Variants in CSE1L observed in about 807,000 individuals in gnomAD.
CSE1L encodes exportin-2.
CSE1L carries 24 observed loss-of-function variants against 120.4 expected under a neutral mutation model. That is an observed-to-expected ratio of 0.20 (90% CI 0.14 to 0.28). CSE1L has a LOEUF of 0.28. Ranked by LOEUF, CSE1L falls within the 10% of genes least tolerant of loss-of-function variation. The pLI, the probability that CSE1L is intolerant of heterozygous loss-of-function variation, is 1.00. For synonymous variants in CSE1L, 402 were observed against 398.3 expected (o/e 1.01, Z -0.11); for missense variants, 830 against 1,145.2 (o/e 0.72, Z 3.97).
intron 1 of CSE1L, among the ~76,000 whole-genome samples, chr20:49,048,138 G>T (rs1048511725): frequency 6.9e-6 from 1 of 145,426 alleles, no homozygotes; most frequent in African/African-American, 2.6e-5. Context: ...CTCTGTGTGT[G>T]TCTCTCTCTT....
intron 8 of CSE1L, among the ~76,000 whole-genome samples, chr20:49,070,864 C>A (rs951627644): frequency 2.0e-5 from 3 of 152,194 alleles, no homozygotes; most frequent in Non-Finnish European, 4.4e-5. Context: ...TGACCTTGAG[C>A]CCAGGAGGGC....
At chr20:49,085,465 G>T (rs6095430) in intron 16 of CSE1L, 79 bp downstream of exon 16, 3 of 919,024 alleles carry the variant, frequency 3.3e-6, no homozygotes, top group Non-Finnish European at 5.2e-6. Flanking sequence ...TTATACTTCA[G>T]GTTATACAGT....
intron 13 of CSE1L, among the ~76,000 whole-genome samples, chr20:49,077,952 C>A (rs1020525824): frequency 6.6e-6 from 1 of 151,720 alleles, no homozygotes; most frequent in Non-Finnish European, 1.5e-5. Flanking sequence ...TGCAGTGAGC[C>A]GAGATCGTGC....
In CSE1L at chr20:49,066,308, C is replaced by T; in HGVS notation, c.330+15C>T. 1 of 1,614,154 alleles carries T rather than the reference C, an allele frequency of 6.2e-7. No individual in the cohort carries two copies. Among genetic ancestry groups the T allele is most frequent in the South Asian group, 1.1e-5 (1 of 91,090 alleles). The stretch of plus-strand genomic sequence containing the variant: ...TTCAGAAGCAGGTAATGTCGCTCCA[C>T]TTTTTAGATGGGCTCCTCTGTAAAG... On this transcript the variant is annotated intron_variant, in intron 4 of 24. Transcript: ENST00000262982.
intron 17 of CSE1L, among the ~76,000 whole-genome samples, chr20:49,088,991 G>T (rs2092081129): frequency 6.6e-6 from 1 of 152,088 alleles, no homozygotes; most frequent in Admixed American, 6.5e-5. Context: ...CTCTGCGAGG[G>T]CACGTGGGCT....
intron 12 of CSE1L, 102 bp from the exon 13 acceptor site, chr20:49,076,878 A>G: frequency 1.5e-6 from 1 of 662,746 alleles, no homozygotes; most frequent in Non-Finnish European, 2.5e-6. Context: ...TGAAGTGTTC[A>G]TCTCCATTTT....
chr20:49,068,902 C>A, intron 7 of CSE1L, 80 bp downstream of exon 7: 1 of 991,370 alleles, frequency 1.0e-6, no homozygotes, highest in Non-Finnish European at 1.6e-6. Context: ...ATAAAGACTT[C>A]TTTGCCAGCA....
intron 16 of CSE1L, among the ~76,000 whole-genome samples, chr20:49,085,720 C>T (rs914357194): frequency 5.9e-5 from 9 of 151,366 alleles, no homozygotes; most frequent in Non-Finnish European, 1.0e-4. Context: ...TACAGGTGCA[C>T]TCCACCATGC....
chr20:49,069,383 C>G (rs774210030), intron 7 of CSE1L, among the ~76,000 whole-genome samples: 89 of 152,160 alleles, frequency 5.8e-4, no homozygotes, highest in Non-Finnish European at 1.1e-3. Context: ...TCTTTCTGTT[C>G]TTAATCATTA....
intron 23 of CSE1L, 145 bp downstream of exon 23, chr20:49,094,431 G>T: frequency 1.2e-6 from 1 of 824,512 alleles, no homozygotes; most frequent in Non-Finnish European, 1.9e-6. Context: ...CATGATTTCT[G>T]GATCCTTCTG....
At position 49,089,363 on chromosome 20, in the gene CSE1L, G is replaced by C; in HGVS notation, c.1938G>C (p.Leu646Phe). ...AVVNFEEALF[L>F]VFTEILQNDV... ...TAAATTTTGAGGAGGCTTTGTTTTT[G>C]GTGTTTACTGAAATCTTACAAAATG... Residue 646 changes from leucine to phenylalanine, a missense_variant, in exon 18 of 25, where the codon TTG becomes TTC. Physicochemically the swap from Leu to Phe is conservative, Grantham distance 22. Transcript: ENST00000262982. The C allele has an allele frequency of 6.2e-7, 1 of 1,610,584 alleles. No homozygotes were observed. The highest frequency in any genetic ancestry group is 8.5e-7 in the Non-Finnish European group (1 of 1,179,168).
At chr20:49,091,437 A>G (rs1329192636) in intron 21 of CSE1L, among the ~76,000 whole-genome samples, 5 of 151,892 alleles carry the variant, frequency 3.3e-5, no homozygotes, top group African/African-American at 1.2e-4. Context: ...AAAAAAAAAA[A>G]GAAAATATTG....
intron 8 of CSE1L, among the ~76,000 whole-genome samples, 188 bp downstream of exon 8, chr20:49,070,485 G>A (rs1299892567): frequency 1.3e-5 from 2 of 152,126 alleles, no homozygotes; most frequent in African/African-American, 2.4e-5. Flanking sequence ...TCATGGGCTT[G>A]GCTTAAGCCA....
In CSE1L at chr20:49,067,294, C is replaced by T; in HGVS notation, c.567+14C>T. 1.3e-6 allele frequency: 2 copies of T among 1,511,736 alleles called. No individual in the cohort carries two copies. The highest frequency in any genetic ancestry group is 1.8e-6 in the Non-Finnish European group (2 of 1,096,062). 93.6% of individuals were successfully genotyped at this position (1,511,736 alleles called of 1,614,324 possible). On this transcript the variant is annotated intron_variant, in intron 6 of 24. Transcript: ENST00000262982. ...AATCTTTTTAAGGTATGGAATGCAT[C>T]TTGGTGATATTTTTAAATTAATATT...
chr20:49,061,940 T>C (rs1853992011), intron 2 of CSE1L, among the ~76,000 whole-genome samples: 2 of 152,198 alleles, frequency 1.3e-5, no homozygotes, highest in Admixed American at 1.3e-4. Context: ...CTGACTAGAC[T>C]GACTCAACTA....
At chr20:49,068,683 A>T (rs760646960) in intron 6 of CSE1L, 32 bp from the exon 7 acceptor site, 33 of 1,427,362 alleles carry the variant, frequency 2.3e-5, no homozygotes, top group Non-Finnish European at 3.2e-5. Context: ...TTTATGATGC[A>T]CTAAAACCAT....
chr20:49,073,863 G>A (rs527601544), intron 10 of CSE1L, among the ~76,000 whole-genome samples: 13 of 152,200 alleles, frequency 8.5e-5, no homozygotes, highest in African/African-American at 2.7e-4. Flanking sequence ...AGGAAATTAA[G>A]GACAATATAG....
chr20:49,090,602 C>A (rs1333653627), intron 19 of CSE1L, 140 bp from the exon 20 acceptor site: 5 of 661,276 alleles, frequency 7.6e-6, no homozygotes, highest in Non-Finnish European at 1.0e-5. Flanking sequence ...AGGAATTGTT[C>A]CCCATATGTT....
chr20:49,055,322 A>C (rs1054719465), intron 1 of CSE1L, among the ~76,000 whole-genome samples: 3 of 152,208 alleles, frequency 2.0e-5, no homozygotes, highest in African/African-American at 7.2e-5. Flanking sequence ...TAAAGGGTAT[A>C]TAGGCCTGTA....
Sources: allele counts gnomAD v4.1 joint callset (sites outside exome capture counted in the v4.1 genomes callset), GRCh38; gene constraint gnomAD v4.1.1; transcripts MANE v1.5; gene names NCBI Gene and HGNC (gene_info 2026-07-23, HGNC 2026-07-21).